Variants in BLOC1S3 observed in about 807,000 individuals in gnomAD.
BLOC1S3 encodes biogenesis of lysosome-related organelles complex 1 subunit 3.
A neutral mutation model predicts 9.1 loss-of-function variants in BLOC1S3; 7 were observed. The observed-to-expected ratio is 0.77, with a 90% CI of 0.44 to 1.45. The LOEUF is 1.45. Ranked by LOEUF, BLOC1S3 falls within the 40% of genes most tolerant of loss-of-function variation. BLOC1S3 has a pLI of 0.01. For missense variants in BLOC1S3, 307 were observed against 315.2 expected (o/e 0.97, Z 0.20); for synonymous variants, 145 against 158.4 (o/e 0.92, Z 0.64).
chr19:45,198,141 C>G (rs543019474), intron 2 of BLOC1S3, among the ~76,000 whole-genome samples: 1 of 152,272 alleles, frequency 6.6e-6, no homozygotes, highest in East Asian at 1.9e-4. Context: ...TGGGAACCCC[C>G]TAATGCATCT....
intron 3 of BLOC1S3, among the ~76,000 whole-genome samples, chr19:45,213,792 T>C (rs1423543758): frequency 6.8e-6 from 1 of 146,386 alleles, no homozygotes; most frequent in Non-Finnish European, 1.5e-5. Context: ...TAAAAATACA[T>C]TAAAAAAAAA....
chr19:45,210,098 A>G (rs935854145), intron 3 of BLOC1S3, among the ~76,000 whole-genome samples: 1 of 151,994 alleles, frequency 6.6e-6, no homozygotes, highest in African/African-American at 2.4e-5. Flanking sequence ...ATCAGTCACA[A>G]AAGACTACGT....
chr19:45,186,117 T>TAA (rs147357749), downstream of BLOC1S3, among the ~76,000 whole-genome samples: 3 of 149,730 alleles, frequency 2.0e-5, no homozygotes, highest in African/African-American at 4.9e-5. Flanking sequence ...TGTCTCAAAA[T>TAA]AAAAAAAAAG....
At chr19:45,188,259 G>A (rs1390109115) in intron 2 of BLOC1S3, among the ~76,000 whole-genome samples, 1 of 152,170 alleles carries the variant, frequency 6.6e-6, no homozygotes, top group East Asian at 1.9e-4. Context: ...CCAACCTCAG[G>A]TGATCTGCCT....
At position 45,200,494 on chromosome 19, in the gene BLOC1S3, A is replaced by T. The variant is rs1415279613; in HGVS notation, n.181-1912A>T. 2.0e-5 allele frequency among the ~76,000 whole-genome samples: 3 copies of T among 152,296 alleles called. No individual in the cohort carries two copies. The East Asian group carries it at 5.8e-4, about 29-fold the overall frequency. On this transcript the variant is annotated intron_variant and non_coding_transcript_variant, in intron 2 of 3. Transcript: ENST00000591569. ...ACCGTGCCCAGCCCCTTTCTGCTTA[A>T]TTTTTAAAAATTATTTCAATCTGTT... is the stretch of plus-strand genomic sequence containing the variant.
chr19:45,194,917 G>T (rs942091669), intron 2 of BLOC1S3, among the ~76,000 whole-genome samples: 7 of 151,154 alleles, frequency 4.6e-5, no homozygotes, highest in African/African-American at 1.5e-4. Flanking sequence ...TGTGAACTCT[G>T]GTATGTGTGT....
intron 2 of BLOC1S3, among the ~76,000 whole-genome samples, chr19:45,201,989 C>T (rs192556459): frequency 7.6e-4 from 116 of 151,876 alleles, no homozygotes; most frequent in Middle Eastern, 3.4e-3. Context: ...TTTGGGAGGC[C>T]GAGGCGGGTG....
rs1013379400 is a variant in BLOC1S3, at chr19:45,192,665, C to T, written n.180+4925C>T. On this transcript the variant is annotated intron_variant and non_coding_transcript_variant, in intron 2 of 3. Transcript: ENST00000591569. ...CCTGCCTGGACTGGGCTATTTCCTT[C>T]AAGGCAGCAGTTTCTTTTCTGGCCC... is the stretch of plus-strand genomic sequence containing the variant. Among the ~76,000 whole-genome samples, 4 of 152,180 alleles carry T rather than the reference C, an allele frequency of 2.6e-5. No homozygotes were observed. In the East Asian group the frequency reaches 7.7e-4, roughly 29 times the overall value.
chr19:45,179,672 G>A lies in BLOC1S3; in HGVS notation c.376G>A (p.Ala126Thr). ...SQARLDHDVA[A>T]AVSGVYRRAG... ...GGCGCGGCTGGACCACGACGTGGCG[G>A]CCGCCGTGAGCGGTGTCTACCGCCG... Residue 126 changes from alanine (A) to threonine (T), a missense_variant, in exon 2 of 2, where the codon GCC becomes ACC. Coordinates refer to ENST00000433642, the MANE Select transcript of BLOC1S3 (RefSeq NM_212550.5). The surrounding 1 kb of genome is among the most constrained non-coding windows in gnomAD (Gnocchi z 4.6). 6.8e-7 allele frequency: 1 copy of A among 1,465,954 alleles called. No individual in the cohort carries two copies. Among genetic ancestry groups the A allele is most frequent in the Admixed American group, 2.4e-5 (1 of 41,132 alleles). The allele number at this position is 1,465,954 out of a possible 1,614,324, so 90.8% of individuals were successfully genotyped here.
chr19:45,204,275 C>T (rs548617537), intron 3 of BLOC1S3, among the ~76,000 whole-genome samples: 11 of 144,296 alleles, frequency 7.6e-5, no homozygotes, highest in South Asian at 2.2e-4. Context: ...TGCAAACCTC[C>T]GCCTCCTGGG....
intron 2 of BLOC1S3, among the ~76,000 whole-genome samples, chr19:45,192,405 G>A (rs1372904605): frequency 6.6e-6 from 1 of 151,986 alleles, no homozygotes; most frequent in Admixed American, 6.6e-5. Context: ...CCAACTTGGT[G>A]CTCTACTCCA....
intron 2 of BLOC1S3, among the ~76,000 whole-genome samples, chr19:45,188,729 T>C (rs1232345516): frequency 2.0e-5 from 3 of 151,712 alleles, no homozygotes; most frequent in East Asian, 3.9e-4. Context: ...CGCGCCCCCA[T>C]GCCTGGCTAA....
At chr19:45,211,374 G>C (rs936859583) in intron 3 of BLOC1S3, among the ~76,000 whole-genome samples, 2 of 151,768 alleles carry the variant, frequency 1.3e-5, no homozygotes, top group African/African-American at 4.8e-5. Context: ...GTGGTGGAGG[G>C]GGGGCACCTG....
chr19:45,211,519 A>G (rs1015373438), intron 3 of BLOC1S3, among the ~76,000 whole-genome samples: 1 of 151,774 alleles, frequency 6.6e-6, no homozygotes, highest in African/African-American at 2.4e-5. Context: ...TGAAAAAAAA[A>G]AAAAAAAGAA....
Position 45,179,761 on chromosome 19 carries a change from G to T in BLOC1S3, c.465G>T (p.Ala155=), listed in dbSNP as rs1347558197. The change falls in exon 2 of 2, where the codon GCG becomes GCT. Residue 155 remains alanine (A), a synonymous_variant. Coordinates refer to ENST00000433642, the MANE Select transcript of BLOC1S3 (RefSeq NM_212550.5). The surrounding 1 kb of genome is among the most constrained non-coding windows in gnomAD (Gnocchi z 4.6). ...CGGCAGCCCAGGCGGCGGGGCTGGC[G>T]GCGGCCCACAGCGTGCGCCTGGCGC... is the stretch of plus-strand genomic sequence containing the variant. The part of the protein sequence containing the change: ...RLAAAQAAGL[A]AAHSVRLARG... 1 of 1,492,776 alleles carries T rather than the reference G, an allele frequency of 6.7e-7. No individual in the cohort carries two copies. The highest frequency in any genetic ancestry group is 1.3e-5 in the South Asian group (1 of 78,408). 92.5% of individuals were successfully genotyped at this position (1,492,776 alleles called of 1,614,324 possible). A position where few individuals can be genotyped will look rare whatever the true frequency, so the allele number is the denominator to read the frequency against.
chr19:45,196,297 G>T (rs538593545), intron 2 of BLOC1S3, among the ~76,000 whole-genome samples: 2 of 152,112 alleles, frequency 1.3e-5, no homozygotes, highest in Non-Finnish European at 2.9e-5. Flanking sequence ...AGAATTGCTT[G>T]AGCCCAGGAG....
At chr19:45,216,920 C>G (rs1269557327) in exon 4 of BLOC1S3, 1 of 152,184 alleles carries the variant, frequency 6.6e-6, no homozygotes, top group African/African-American at 2.4e-5. Flanking sequence ...CTGAATACAA[C>G]TGGGTACAAA....
In BLOC1S3 at chr19:45,196,286, G is replaced by A. The variant is rs571210504; in HGVS notation, n.181-6120G>A. Among the ~76,000 whole-genome samples, 321 of 152,234 alleles carry A rather than the reference G, an allele frequency of 2.1e-3. 3 individuals carry two copies. In the Middle Eastern group the frequency reaches 0.024, roughly 11 times the overall value. On this transcript the variant is annotated intron_variant and non_coding_transcript_variant, in intron 2 of 3. Transcript: ENST00000591569. ...CCAGCTACTTGGGTGGCTGAAGCTC[G>A]AGAATTGCTTGAGCCCAGGAGATGG... is the stretch of plus-strand genomic sequence containing the variant.
intron 3 of BLOC1S3, among the ~76,000 whole-genome samples, chr19:45,212,016 G>A (rs560776263): frequency 1.2e-4 from 18 of 152,126 alleles, no homozygotes; most frequent in Non-Finnish European, 2.2e-4. Context: ...CCTGGATGCC[G>A]CCAGCCCTGC....
Sources: allele counts gnomAD v4.1 joint callset (sites outside exome capture counted in the v4.1 genomes callset), GRCh38; gene constraint gnomAD v4.1.1; non-coding constraint Gnocchi (gnomAD v3.1); transcripts MANE v1.5; gene names NCBI Gene and HGNC (gene_info 2026-07-23, HGNC 2026-07-21).